SKAP2: variants seen among roughly 807,000 people sequenced by gnomAD.
SKAP2 encodes src kinase-associated phosphoprotein 2.
SKAP2 carries 28 observed loss-of-function variants against 54.9 expected under a neutral mutation model. The ratio of observed to expected loss-of-function variants is 0.51; its 90% CI spans 0.38 to 0.70. The LOEUF (loss-of-function observed/expected upper bound fraction) is 0.70. Ranked by LOEUF, SKAP2 falls within the 30% of genes least tolerant of loss-of-function variation. The probability of loss-of-function intolerance (pLI) is 0.00; values close to 1 mark genes in which losing one functional copy is unlikely to be tolerated. For missense variants in SKAP2, 356 were observed against 424.1 expected (o/e 0.84, Z 1.41); for synonymous variants, 137 against 134.3 (o/e 1.02, Z -0.14).
chr7:26,696,566 G>A (rs1375402589), intron 9 of SKAP2, among the ~76,000 whole-genome samples: 3 of 152,084 alleles, frequency 2.0e-5, no homozygotes, highest in African/African-American at 7.2e-5. Flanking sequence ...TTAGGAACTG[G>A]GAGTTTTGCA....
At chr7:26,837,443 T>A (rs2127994056) in intron 4 of SKAP2, among the ~76,000 whole-genome samples, 1 of 152,154 alleles carries the variant, frequency 6.6e-6, no homozygotes, top group East Asian at 1.9e-4. Flanking sequence ...AAGCTTACAA[T>A]CATGGTGGAA....
At chr7:26,738,700 T>C (rs1425388295) in intron 6 of SKAP2, 95 bp downstream of exon 6, 3 of 674,926 alleles carry the variant, frequency 4.4e-6, no homozygotes, top group Non-Finnish European at 8.0e-6. Context: ...TTATTATTAG[T>C]TTGTCTTCAG....
intron 10 of SKAP2, among the ~76,000 whole-genome samples, chr7:26,685,787 GA>G (rs1786624607): frequency 6.6e-6 from 1 of 152,172 alleles, no homozygotes; most frequent in African/African-American, 2.4e-5. Context: ...GTTACACTAA[GA>G]ACTGTTTCCT....
Position 26,857,678 on chromosome 7 carries a change from TG to T in SKAP2, c.68-2789del, listed in dbSNP as rs1263783248. 1.8e-5 allele frequency: 18 copies of T among 985,434 alleles called. No homozygotes were observed. The Admixed American group carries it at 3.1e-4, about 17-fold the overall frequency. 61.0% of individuals were successfully genotyped at this position (985,434 alleles called of 1,614,324 possible). On this transcript the variant is annotated intron_variant, in intron 1 of 12. Coordinates refer to ENST00000345317, the MANE Select transcript of SKAP2 (RefSeq NM_003930.5). ...CCAGGGTTCCTCTCAGGCGGAGCAG[TG>T]AGCATGGAGAGCCGGGTCTGGGGCA...
intron 4 of SKAP2, among the ~76,000 whole-genome samples, chr7:26,771,861 CA>C (rs1484634903): frequency 2.0e-5 from 3 of 152,222 alleles, no homozygotes; most frequent in African/African-American, 7.2e-5. Context: ...ACCAGAAAAC[CA>C]GCCAAGAGAA....
chr7:26,656,005 CTT>C, the SKAP2 span, among the ~76,000 whole-genome samples: 2 of 152,162 alleles, frequency 1.3e-5, no homozygotes, highest in Non-Finnish European at 2.9e-5. Context: ...TAGATTCCCT[CTT>C]TGTGTGTTTA....
chr7:26,783,040 A>G (rs767848926), intron 4 of SKAP2, among the ~76,000 whole-genome samples: 2 of 152,214 alleles, frequency 1.3e-5, no homozygotes, highest in Non-Finnish European at 2.9e-5. Context: ...TGATTAACTC[A>G]GATCACTCTC....
chr7:26,861,292 G>C lies in SKAP2; in HGVS notation c.67+3071C>G, dbSNP rs1212483644. On this transcript the variant is annotated intron_variant, in intron 1 of 12. Coordinates refer to ENST00000345317, the MANE Select transcript of SKAP2 (RefSeq NM_003930.5). Reference sequence around the variant, plus strand: ...GCTGCTAGTCCTAGTCAAAATATTTGGATGTGAGAGAAGATTAAATGGACA... The same window carrying C: ...GCTGCTAGTCCTAGTCAAAATATTTCGATGTGAGAGAAGATTAAATGGACA... Among the ~76,000 whole-genome samples the C allele has an allele frequency of 2.0e-5, 3 of 151,836 alleles. No individual in the cohort carries two copies. In the East Asian group the frequency reaches 5.8e-4, roughly 29 times the overall value.
At chr7:26,845,696 T>C (rs1019587908) in intron 3 of SKAP2, among the ~76,000 whole-genome samples, 3 of 152,166 alleles carry the variant, frequency 2.0e-5, no homozygotes, top group African/African-American at 7.2e-5. Context: ...CTCAGCATGC[T>C]TGAGGCCAGA....
rs568053799 is a variant in SKAP2, at chr7:26,679,468, A to G, written c.987+5268T>C. Among the ~76,000 whole-genome samples, 4 of 152,342 alleles carry G rather than the reference A, an allele frequency of 2.6e-5. No homozygotes were observed. In the East Asian group the frequency reaches 7.7e-4, roughly 29 times the overall value. On this transcript the variant is annotated intron_variant, in intron 11 of 12. Transcript: ENST00000345317. ...TAATGCTTCCAGTGTACTCTAGACC[A>G]TACATCCATACTGACAGCATACAAA...
At chr7:26,800,350 C>A (rs888812269) in intron 4 of SKAP2, among the ~76,000 whole-genome samples, 1 of 151,890 alleles carries the variant, frequency 6.6e-6, no homozygotes, top group Admixed American at 6.6e-5. Context: ...CACACCAAAA[C>A]CTATGTGATA....
intron 6 of SKAP2, among the ~76,000 whole-genome samples, chr7:26,738,403 T>C (rs1782351702): frequency 6.6e-6 from 1 of 152,218 alleles, no homozygotes; most frequent in African/African-American, 2.4e-5. Context: ...TCGTATTTAA[T>C]TTTATCTAAT....
chr7:26,721,018 A>G (rs972542711), intron 9 of SKAP2, among the ~76,000 whole-genome samples: 4 of 152,216 alleles, frequency 2.6e-5, no homozygotes, highest in African/African-American at 9.6e-5. Context: ...TTCAGTACCT[A>G]GTTTAAGAAA....
At chr7:26,706,398 C>G (rs766633938) in intron 9 of SKAP2, among the ~76,000 whole-genome samples, 1 of 152,018 alleles carries the variant, frequency 6.6e-6, no homozygotes, top group Admixed American at 6.6e-5. Context: ...CTAGCCCTCA[C>G]GTGTCTCATT....
At chr7:26,687,737 G>A (rs768230793) in intron 10 of SKAP2, among the ~76,000 whole-genome samples, 3 of 151,988 alleles carry the variant, frequency 2.0e-5, no homozygotes, top group South Asian at 2.1e-4. Flanking sequence ...CCTCAAAAGC[G>A]CAGGTTTGCA....
At chr7:26,699,817 T>A (rs886595246) in intron 9 of SKAP2, among the ~76,000 whole-genome samples, 3 of 152,060 alleles carry the variant, frequency 2.0e-5, no homozygotes, top group Non-Finnish European at 4.4e-5. Context: ...ATCCACCACA[T>A]GAAAAAAAAT....
chr7:26,795,559 T>C (rs1783757653), intron 4 of SKAP2, among the ~76,000 whole-genome samples: 1 of 152,160 alleles, frequency 6.6e-6, no homozygotes, highest in African/African-American at 2.4e-5. Flanking sequence ...GCACTGTAAG[T>C]GGAACAAAAT....
At chr7:26,785,288 A>G (rs1783519129) in intron 4 of SKAP2, among the ~76,000 whole-genome samples, 1 of 152,012 alleles carries the variant, frequency 6.6e-6, no homozygotes, top group South Asian at 2.1e-4. Context: ...CTGGGTTCAC[A>G]CCATTCTCCT....
chr7:26,814,166 T>C (rs1236354398), intron 4 of SKAP2, among the ~76,000 whole-genome samples: 1 of 152,228 alleles, frequency 6.6e-6, no homozygotes, highest in African/African-American at 2.4e-5. Flanking sequence ...ATCTCTAATG[T>C]AGGAAACTGT....
Sources: allele counts gnomAD v4.1 joint callset (sites outside exome capture counted in the v4.1 genomes callset), GRCh38; gene constraint gnomAD v4.1.1; transcripts MANE v1.5; gene names NCBI Gene and HGNC (gene_info 2026-07-23, HGNC 2026-07-21).